RIF1: variants seen among roughly 807,000 people sequenced by gnomAD.
RIF1 encodes the protein telomere-associated protein RIF1.
A neutral mutation model predicts 247.1 loss-of-function variants in RIF1; 45 were observed. The ratio of observed to expected loss-of-function variants is 0.18; its 90% CI spans 0.14 to 0.23. The LOEUF (loss-of-function observed/expected upper bound fraction) is 0.23. RIF1 is among the 10% of genes least tolerant of loss of function. RIF1 has a pLI of 1.00. For synonymous variants in RIF1, 1,087 were observed against 978.8 expected (o/e 1.11, Z -2.06); for missense variants, 2,967 against 2,862.5 (o/e 1.04, Z -0.83).
chr2:151,465,416 A>G lies in RIF1; in HGVS notation c.5896A>G (p.Thr1966Ala), dbSNP rs770890778. Residue 1966 changes from threonine to alanine, a missense_variant, in exon 30 of 36, where the codon ACT (threonine) becomes GCT (alanine). By Grantham distance (58) the Thr-to-Ala change is moderately conservative. This residue lies in a region of RIF1 where 2,028 missense variants were observed against 1,825.6 expected (regional missense o/e 1.11). Transcript: ENST00000444746. ...TAAACTGAATGCCAAAGAAGTAGCAACTGAGGAATTTAATTCAGATATTAG... is the reference window on the plus strand; with the variant it reads ...TAAACTGAATGCCAAAGAAGTAGCAGCTGAGGAATTTAATTCAGATATTAG... ...TAKLNAKEVA[T>A]EEFNSDISLS... 5.0e-6 allele frequency: 8 copies of G among 1,613,822 alleles called. No homozygotes were observed. The South Asian group carries it at 7.7e-5, about 16-fold the overall frequency.
chr2:151,486,096 T>TA (rs1422858171), downstream of RIF1, among the ~76,000 whole-genome samples: 2 of 152,086 alleles, frequency 1.3e-5, no homozygotes, highest in African/African-American at 4.8e-5. Flanking sequence ...AAATAGGAAA[T>TA]ACTTGCAAGT....
intron 23 of RIF1, among the ~76,000 whole-genome samples, chr2:151,457,087 GTT>G (rs545229546): frequency 7.0e-6 from 1 of 143,824 alleles, no homozygotes; most frequent in African/African-American, 2.5e-5. Flanking sequence ...CATTTATAGG[GTT>G]TTTTTTTTTT....
Position 151,438,743 on chromosome 2 carries a change from T to G in RIF1, c.1543T>G (p.Ser515Ala), listed in dbSNP as rs772437904. 1.9e-6 allele frequency: 3 copies of G among 1,604,928 alleles called. No individual in the cohort carries two copies. The Admixed American group carries it at 5.0e-5, about 27-fold the overall frequency. ...TAGCTTGGTGAAGTCAGTTACTGAA[T>G]CAGGTAAGCACTATTACACTGATCA... is the stretch of plus-strand genomic sequence containing the variant. Reference protein sequence around the residue: ...LISLVKSVTESGNKKEKPGSE... With the variant: ...LISLVKSVTEAGNKKEKPGSE... The change falls in exon 14 of 36, where the codon TCA (serine) becomes GCA (alanine). Residue 515 changes from serine (S) to alanine (A), a missense_variant. Physicochemically the swap from Ser to Ala is moderately conservative, Grantham distance 99 (BLOSUM62 1). Transcript: ENST00000444746.
rs1693301505 is a variant in RIF1 at position 151,446,545 on chromosome 2, A to C, written c.2214A>C (p.Ile738=). 4 of 1,612,996 alleles carry C rather than the reference A, an allele frequency of 2.5e-6. No homozygotes were observed. Among genetic ancestry groups the C allele is most frequent in the Non-Finnish European group, 3.4e-6 (4 of 1,179,806 alleles). Residue 738 remains isoleucine, a synonymous_variant, in exon 20 of 36, where the codon ATA becomes ATC. Coordinates refer to ENST00000444746, the MANE Select transcript of RIF1 (RefSeq NM_018151.5). ...GCTGTGAGGAACTTTCTTCCAAGAT[A>C]ATGTCCAGTTTGGAAGATGAAGGCT... is the stretch of plus-strand genomic sequence containing the variant. ...NLCCEELSSK[I]MSSLEDEGFS... is the part of the protein sequence containing the mutation.
Position 151,409,963 on chromosome 2 carries a change from A to T in RIF1, c.-81A>T, listed in dbSNP as rs1053495887. Reference sequence around the variant, plus strand: ...GCGTGAGTAAACAGCCGGAGCTGGGAAAGTCGAGCTCTGGCAGCGTCTGGG... The same window carrying T: ...GCGTGAGTAAACAGCCGGAGCTGGGTAAGTCGAGCTCTGGCAGCGTCTGGG... On this transcript the variant is annotated 5_prime_UTR_variant, in exon 1 of 36. Coordinates refer to ENST00000444746, the MANE Select transcript of RIF1 (RefSeq NM_018151.5). 5 of 701,710 alleles carry T rather than the reference A, an allele frequency of 7.1e-6. No individual in the cohort carries two copies. Among genetic ancestry groups the T allele is most frequent in the Admixed American group, 4.0e-5 (2 of 49,972 alleles). The allele number at this position is 701,710 out of a possible 1,614,324, so 43.5% of individuals were successfully genotyped here. A position where few individuals can be genotyped will look rare whatever the true frequency, so the allele number is the denominator to read the frequency against.
At chr2:151,425,458 C>A (rs1303677857) in intron 8 of RIF1, among the ~76,000 whole-genome samples, 1 of 151,892 alleles carries the variant, frequency 6.6e-6, no homozygotes. Flanking sequence ...GTTGCCAAAT[C>A]CAGTGTCATT....
chr2:151,505,498 T>C, intron 12 of RIF1: 1 of 1,613,756 alleles, frequency 6.2e-7, no homozygotes, highest in Non-Finnish European at 8.5e-7. Flanking sequence ...TGCTTCTGCG[T>C]CTCCTTCACA....
At chr2:151,413,622 G>A (rs909503650) in intron 3 of RIF1, among the ~76,000 whole-genome samples, 3 of 152,158 alleles carry the variant, frequency 2.0e-5, no homozygotes, top group Admixed American at 1.3e-4. Context: ...ACATTTACTA[G>A]CTGTTATCCA....
At chr2:151,533,604 C>T in the RIF1 span, 91 of 1,100,910 alleles carry the variant, frequency 8.3e-5, no homozygotes, top group Non-Finnish European at 1.1e-4. Flanking sequence ...GAAAAGAACA[C>T]GGCTCTATAT....
chr2:151,410,226 G>A lies in RIF1; in HGVS notation c.-10-188G>A, dbSNP rs1435332319. 2.1e-5 allele frequency: 13 copies of A among 631,612 alleles called. 1 individual carries two copies. The highest frequency in any genetic ancestry group is 2.0e-4 in the Admixed American group (8 of 39,860). The allele number at this position is 631,612 out of a possible 1,614,324, so 39.1% of individuals were successfully genotyped here. A position where few individuals can be genotyped will look rare whatever the true frequency, so the allele number is the denominator to read the frequency against. ...AGGCCCGAATGTGGCGTGGGCTCAG[G>A]TGTCTGGTGTCGGGCGCCGGAGGAG... On this transcript the variant is annotated intron_variant, in intron 1 of 35. Transcript: ENST00000444746.
intron 22 of RIF1, 101 bp downstream of exon 22, chr2:151,455,260 T>C: frequency 1.3e-6 from 1 of 798,624 alleles, no homozygotes; most frequent in Non-Finnish European, 1.9e-6. Flanking sequence ...ATGGTAGTCT[T>C]GACAATTTTG....
intron 9 of RIF1, chr2:151,492,257 T>C: frequency 6.2e-7 from 1 of 1,613,084 alleles, no homozygotes; most frequent in East Asian, 2.2e-5. Flanking sequence ...CCCTTGTGTT[T>C]CTCAAAGTCT....
intron 10 of RIF1, among the ~76,000 whole-genome samples, chr2:151,433,481 G>A (rs1690546817): frequency 6.6e-6 from 1 of 152,198 alleles, no homozygotes; most frequent in South Asian, 2.1e-4. Flanking sequence ...TTGAGATGGA[G>A]TCTTGTTCTG....
chr2:151,493,223 C>T, intron 9 of RIF1: 2 of 707,770 alleles, frequency 2.8e-6, no homozygotes, highest in Non-Finnish European at 4.6e-6. Flanking sequence ...CGTTACTTTC[C>T]AAGATGTTGC....
intron 30 of RIF1, among the ~76,000 whole-genome samples, chr2:151,467,667 C>T (rs1351209604): frequency 6.6e-6 from 1 of 152,172 alleles, no homozygotes. Flanking sequence ...CATCAGTCTT[C>T]TTTCTAGTCT....
At position 151,456,355 on chromosome 2, in the gene RIF1, G is replaced by A. The variant is rs144786937; in HGVS notation, c.2610-223G>A. On this transcript the variant is annotated intron_variant, in intron 22 of 35. Coordinates refer to ENST00000444746, the MANE Select transcript of RIF1 (RefSeq NM_018151.5). Reference sequence around the variant, plus strand: ...CAGTTAATATGATTATTACTTTGAGGTTTATTGTAGATATTTTCTGTGATT... The same window carrying A: ...CAGTTAATATGATTATTACTTTGAGATTTATTGTAGATATTTTCTGTGATT... 2.0e-5 allele frequency among the ~76,000 whole-genome samples: 3 copies of A among 152,252 alleles called. No homozygotes were observed. In the East Asian group the frequency reaches 5.8e-4, roughly 29 times the overall value.
Position 151,455,004 on chromosome 2 carries a change from C to A in RIF1, c.2454C>A (p.Ser818Arg). The A allele has an allele frequency of 6.2e-7, 1 of 1,613,886 alleles. No individual in the cohort carries two copies. The highest frequency in any genetic ancestry group is 1.7e-5 in the Admixed American group (1 of 60,014). The change falls in exon 22 of 36, where the codon AGC (serine) becomes AGA (arginine). Residue 818 changes from serine to arginine, a missense_variant. Ser to Arg is a moderately radical substitution (Grantham distance 110). Around this residue, in one of 7 missense-constraint regions of RIF1, gnomAD observed 2,028 missense variants for 1,825.6 expected, o/e 1.11. Transcript: ENST00000444746. ...VKVIYSFHTL[S>R]FKEAHSDTLF... ...TGATCTATTCTTTCCACACACTGAG[C>A]TTCAAGGAAGCACATTCTGATACCC...
intron 10 of RIF1, chr2:151,497,798 A>C (rs1279874386): frequency 1.0e-4 from 155 of 1,539,872 alleles, no homozygotes; most frequent in Non-Finnish European, 1.3e-4. Flanking sequence ...TGAGGAAAAA[A>C]CACAGTCATC....
rs529202274 is a variant in RIF1 at position 151,435,379 on chromosome 2, T to G, written c.1078-84T>G. 1.8e-5 allele frequency: 14 copies of G among 790,096 alleles called. No individual in the cohort carries two copies. The African/African-American group carries it at 2.1e-4, about 12-fold the overall frequency. The allele number at this position is 790,096 out of a possible 1,614,324, so 48.9% of individuals were successfully genotyped here. A position where few individuals can be genotyped will look rare whatever the true frequency, so the allele number is the denominator to read the frequency against. On this transcript the variant is annotated intron_variant, in intron 10 of 35. Coordinates refer to ENST00000444746, the MANE Select transcript of RIF1 (RefSeq NM_018151.5). ...AAAATGGAATATATTAAGGCTCCAT[T>G]TAATGAAATTTATATTATGTGAGGC...
Sources: gnomAD v4.1 joint callset for allele counts (sites outside exome capture counted in the v4.1 genomes callset) on GRCh38, gnomAD v4.1.1 for gene constraint, gnomAD v4.1.1 regional missense constraint, MANE v1.5 for transcripts, NCBI Gene and HGNC (gene_info 2026-07-23, HGNC 2026-07-21) for gene names.